ACCSL: variants seen among roughly 807,000 people sequenced by gnomAD.
ACCSL encodes the protein probable inactive 1-aminocyclopropane-1-carboxylate synthase-like protein 2.
A neutral mutation model predicts 61.7 loss-of-function variants in ACCSL; 55 were observed. The observed-to-expected ratio is 0.89, with a 90% CI of 0.72 to 1.12. The LOEUF is 1.12. Among genes scored for constraint, ACCSL ranks in the 50% most tolerant of loss-of-function variants. ACCSL has a pLI of 0.00. For missense variants in ACCSL, 632 were observed against 698.0 expected, an observed-to-expected ratio of 0.91 and a Z score of 1.07; for synonymous variants, 258 against 264.3, an observed-to-expected ratio of 0.98 and a Z score of 0.23.
chr11:43,948,616 G>A, the ACCSL span, among the ~76,000 whole-genome samples: 1 of 152,270 alleles, frequency 6.6e-6, no homozygotes, highest in South Asian at 2.1e-4. Flanking sequence ...CAGCACTAGA[G>A]GCATGCACCA....
the ACCSL span, among the ~76,000 whole-genome samples, chr11:44,035,511 G>A: frequency 3.7e-3 from 561 of 152,166 alleles, 5 homozygotes; most frequent in East Asian, 0.034. Flanking sequence ...TGGCATCTAC[G>A]GTATGCTCAG....
chr11:44,037,584 G>T, the ACCSL span, among the ~76,000 whole-genome samples: 5 of 152,214 alleles, frequency 3.3e-5, no homozygotes, highest in Admixed American at 6.5e-5. Flanking sequence ...TGTTACAGCT[G>T]CTGTAGTCAG....
rs373854043 is a variant in ACCSL at position 44,053,159 on chromosome 11, C to T, written c.948+91C>T. ...TTCTGGTACTGCTTATTCACCAAGA[C>T]CTGGTGGGCTGTCCTTAGTTGGAAG... On this transcript the variant is annotated intron_variant, in intron 7 of 13. Transcript: ENST00000378832. 172 of 1,195,544 alleles carry T rather than the reference C, an allele frequency of 1.4e-4. 1 individual carries two copies. The South Asian group carries it at 1.9e-3, about 13-fold the overall frequency. The allele number at this position is 1,195,544 out of a possible 1,614,324, so 74.1% of individuals were successfully genotyped here.
At chr11:43,996,383 G>A in the ACCSL span, among the ~76,000 whole-genome samples, 1 of 152,208 alleles carries the variant, frequency 6.6e-6, no homozygotes, top group Non-Finnish European at 1.5e-5. Flanking sequence ...GCTGTGGGGA[G>A]ACCTGTCGCA....
the ACCSL span, chr11:43,994,897 G>A: frequency 6.6e-6 from 1 of 152,200 alleles, no homozygotes; most frequent in African/African-American, 2.4e-5. Flanking sequence ...GCCTCGCAAA[G>A]TGCTGGGATT....
At chr11:43,946,657 A>G in the ACCSL span, among the ~76,000 whole-genome samples, 2 of 152,340 alleles carry the variant, frequency 1.3e-5, no homozygotes, top group Admixed American at 1.3e-4. Context: ...ATAGCTTTTC[A>G]TAAATTCTAT....
At chr11:43,938,277 C>G in the ACCSL span, among the ~76,000 whole-genome samples, 1 of 152,182 alleles carries the variant, frequency 6.6e-6, no homozygotes, top group African/African-American at 2.4e-5. Context: ...CTGTCATTCT[C>G]CACAACCACC....
chr11:44,033,742 T>G, the ACCSL span, among the ~76,000 whole-genome samples: 1 of 152,024 alleles, frequency 6.6e-6, no homozygotes, highest in Non-Finnish European at 1.5e-5. Flanking sequence ...CTTTGACAGC[T>G]GAAGCAGGAA....
the ACCSL span, among the ~76,000 whole-genome samples, chr11:44,012,625 C>G: frequency 6.6e-6 from 1 of 152,104 alleles, no homozygotes; most frequent in Non-Finnish European, 1.5e-5. Context: ...CAATATCTGT[C>G]AAACATTTAA....
chr11:44,053,529 C>G lies in ACCSL; in HGVS notation c.1049+23C>G, dbSNP rs544011780. ...GAGGTATGAGTTCTACCCCTTGAGA[C>G]TAGGTAATGTTTCTTGAAAGGATTC... On this transcript the variant is annotated intron_variant, in intron 8 of 13. Coordinates refer to ENST00000378832, the MANE Select transcript of ACCSL (RefSeq NM_001031854.2). The G allele has an allele frequency of 4.2e-5, 67 of 1,586,272 alleles. No homozygotes were observed. In the South Asian group the frequency reaches 7.0e-4, roughly 16 times the overall value.
the ACCSL span, among the ~76,000 whole-genome samples, chr11:44,032,653 C>T: frequency 6.6e-6 from 1 of 152,078 alleles, no homozygotes; most frequent in Non-Finnish European, 1.5e-5. Context: ...GAGTGGGGAG[C>T]GGGCGGATAC....
chr11:44,017,184 C>T, the ACCSL span, among the ~76,000 whole-genome samples: 1 of 152,108 alleles, frequency 6.6e-6, no homozygotes, highest in African/African-American at 2.4e-5. Flanking sequence ...AGCAAGGTGG[C>T]CTGGGCTGTT....
chr11:43,990,841 T>C, the ACCSL span, among the ~76,000 whole-genome samples: 26 of 151,922 alleles, frequency 1.7e-4, no homozygotes, highest in African/African-American at 6.3e-4. Flanking sequence ...GAGGCCGAGG[T>C]GGGTGGATCA....
the ACCSL span, among the ~76,000 whole-genome samples, chr11:43,941,239 G>A: frequency 2.6e-5 from 4 of 152,076 alleles, no homozygotes; most frequent in Middle Eastern, 6.8e-3. Context: ...CCAGCTCATC[G>A]CCCTACTTTA....
At chr11:43,941,595 C>T in the ACCSL span, among the ~76,000 whole-genome samples, 1 of 152,230 alleles carries the variant, frequency 6.6e-6, no homozygotes, top group Non-Finnish European at 1.5e-5. Context: ...TGTGGACCTG[C>T]TCTTAGAGAC....
At chr11:43,926,557 A>T in the ACCSL span, 1 of 450,264 alleles carries the variant, frequency 2.2e-6, no homozygotes, top group Non-Finnish European at 4.4e-6. Context: ...GGTGAGGGAT[A>T]CGTGAAAGGA....
the ACCSL span, among the ~76,000 whole-genome samples, chr11:43,958,431 TG>T: frequency 6.6e-6 from 1 of 152,204 alleles, no homozygotes; most frequent in South Asian, 2.1e-4. Context: ...CCTGATTCAC[TG>T]GCCCCCTACC....
At chr11:43,946,420 C>A in the ACCSL span, among the ~76,000 whole-genome samples, 36 of 152,146 alleles carry the variant, frequency 2.4e-4, no homozygotes, top group African/African-American at 8.4e-4. Context: ...TTAAGTTATT[C>A]TTGTAATTTT....
the ACCSL span, among the ~76,000 whole-genome samples, chr11:43,958,052 G>A: frequency 7.9e-5 from 12 of 152,164 alleles, 1 homozygote; most frequent in Admixed American, 6.5e-4. Context: ...AATTAGCTTT[G>A]GAAAGGAATT....
Sources: gnomAD v4.1 joint callset for allele counts (sites outside exome capture counted in the v4.1 genomes callset) on GRCh38, gnomAD v4.1.1 for gene constraint, MANE v1.5 for transcripts, NCBI Gene and HGNC (gene_info 2026-07-23, HGNC 2026-07-21) for gene names.